KHDRBS2: variants seen among roughly 807,000 people sequenced by gnomAD.
KHDRBS2 encodes the protein KH domain-containing, RNA-binding, signal transduction-associated protein 2.
A neutral mutation model predicts 44.3 loss-of-function variants in KHDRBS2; 26 were observed. The observed-to-expected ratio is 0.59, with a 90% CI of 0.43 to 0.81. The LOEUF (loss-of-function observed/expected upper bound fraction) is 0.81. Among genes scored for constraint, KHDRBS2 ranks in the 40% least tolerant of loss-of-function variants. The pLI, the probability that KHDRBS2 is intolerant of heterozygous loss-of-function variation, is 0.00. For synonymous variants in KHDRBS2, 194 were observed against 151.1 expected (o/e 1.28, Z -2.08); for missense variants, 476 against 433.1 (o/e 1.10, Z -0.88).
rs1327534081 is a variant in KHDRBS2 at position 61,680,095 on chromosome 6, AT to A, written c.*867del. ...ATTATTTAACAACCATAAGTTATTA[AT>A]ACATTTTTAAGTATTACACAAATAT... is the stretch of plus-strand genomic sequence containing the variant. On this transcript the variant is annotated 3_prime_UTR_variant, in exon 9 of 9. Transcript: ENST00000281156. 3 of 152,404 alleles carry A rather than the reference AT, an allele frequency of 2.0e-5. No individual in the cohort carries two copies. The highest frequency in any genetic ancestry group is 7.2e-5 in the African/African-American group (3 of 41,444). 9.4% of individuals were successfully genotyped at this position (152,404 alleles called of 1,614,324 possible).
At chr6:61,658,282 T>G in the KHDRBS2 span, among the ~76,000 whole-genome samples, 1 of 151,860 alleles carries the variant, frequency 6.6e-6, no homozygotes, top group African/African-American at 2.4e-5. Flanking sequence ...ATTGAACATT[T>G]CCAGGTATTT....
intron 2 of KHDRBS2, among the ~76,000 whole-genome samples, chr6:62,100,287 A>C (rs1189890465): frequency 6.6e-6 from 1 of 152,254 alleles, no homozygotes; most frequent in Non-Finnish European, 1.5e-5. Flanking sequence ...TGCTTTTTAT[A>C]AATTAGCAAA....
At chr6:62,091,951 T>G (rs754278615) in intron 2 of KHDRBS2, among the ~76,000 whole-genome samples, 57 of 152,192 alleles carry the variant, frequency 3.7e-4, no homozygotes, top group Non-Finnish European at 7.3e-5. Context: ...TTAAAGAGAC[T>G]TCAGTAAATC....
At chr6:62,209,082 A>G (rs1828560891) in intron 1 of KHDRBS2, among the ~76,000 whole-genome samples, 1 of 152,242 alleles carries the variant, frequency 6.6e-6, no homozygotes, top group African/African-American at 2.4e-5. Flanking sequence ...AGATGGGGAA[A>G]CATACTTCTT....
chr6:62,074,253 T>C (rs934186375), intron 2 of KHDRBS2, among the ~76,000 whole-genome samples: 2 of 151,820 alleles, frequency 1.3e-5, no homozygotes, highest in East Asian at 1.9e-4. Context: ...ACCATAGAAA[T>C]TGTGAGATAA....
At chr6:62,226,189 G>A (rs1001580109) in intron 1 of KHDRBS2, among the ~76,000 whole-genome samples, 1 of 151,974 alleles carries the variant, frequency 6.6e-6, no homozygotes, top group Non-Finnish European at 1.5e-5. Flanking sequence ...CCACAGCCTC[G>A]ACAGCATGTA....
chr6:62,164,729 G>A (rs554166117), intron 2 of KHDRBS2, among the ~76,000 whole-genome samples: 1 of 151,948 alleles, frequency 6.6e-6, no homozygotes, highest in South Asian at 2.1e-4. Context: ...CTGTGCCTTT[G>A]TGATATTAAT....
chr6:62,006,283 A>C (rs1562627104), intron 3 of KHDRBS2, among the ~76,000 whole-genome samples: 1 of 152,186 alleles, frequency 6.6e-6, no homozygotes, highest in East Asian at 1.9e-4. Context: ...AATAAATTTG[A>C]AATTCTGAGA....
chr6:61,661,669 A>C, the KHDRBS2 span, among the ~76,000 whole-genome samples: 3 of 151,920 alleles, frequency 2.0e-5, no homozygotes, highest in African/African-American at 7.2e-5. Flanking sequence ...AGAATAAAAT[A>C]CCTACGAATC....
intron 6 of KHDRBS2, among the ~76,000 whole-genome samples, chr6:61,836,866 G>C (rs184583205): frequency 4.6e-5 from 7 of 152,130 alleles, no homozygotes; most frequent in Admixed American, 2.6e-4. Context: ...CAATTAGTTG[G>C]TGTTGACAAG....
intron 4 of KHDRBS2, among the ~76,000 whole-genome samples, chr6:61,970,933 G>A (rs1051494214): frequency 2.6e-5 from 4 of 152,078 alleles, no homozygotes; most frequent in African/African-American, 9.7e-5. Context: ...TATTAGATTT[G>A]AAATGGCAAT....
At chr6:61,697,519 C>T (rs1768042514) in intron 7 of KHDRBS2, among the ~76,000 whole-genome samples, 2 of 151,970 alleles carry the variant, frequency 1.3e-5, no homozygotes, top group South Asian at 2.1e-4. Context: ...ACAAGTATAA[C>T]ACTTCAAAAT....
intron 2 of KHDRBS2, among the ~76,000 whole-genome samples, chr6:62,134,619 C>T (rs1415651787): frequency 6.6e-6 from 1 of 152,094 alleles, no homozygotes; most frequent in African/African-American, 2.4e-5. Context: ...CTGGAAAAGC[C>T]ACAGACACTC....
intron 2 of KHDRBS2, among the ~76,000 whole-genome samples, chr6:62,116,986 T>C (rs1031331806): frequency 1.8e-4 from 28 of 152,196 alleles, no homozygotes; most frequent in African/African-American, 6.8e-4. Context: ...TCTTTATCCA[T>C]TCATCTATTA....
chr6:61,916,023 G>A (rs1806929419), intron 4 of KHDRBS2, among the ~76,000 whole-genome samples: 2 of 152,044 alleles, frequency 1.3e-5, no homozygotes, highest in Non-Finnish European at 2.9e-5. Flanking sequence ...TGCATACCCC[G>A]ATTCTTATTT....
intron 6 of KHDRBS2, among the ~76,000 whole-genome samples, chr6:61,793,866 C>T (rs1201038631): frequency 6.6e-6 from 1 of 152,094 alleles, no homozygotes; most frequent in East Asian, 1.9e-4. Context: ...TAATCGTCAA[C>T]AAATGTAGTG....
At chr6:61,982,176 T>C (rs1270339408) in intron 3 of KHDRBS2, among the ~76,000 whole-genome samples, 1 of 151,696 alleles carries the variant, frequency 6.6e-6, no homozygotes, top group Non-Finnish European at 1.5e-5. Flanking sequence ...TTATGTAATT[T>C]ACCCTAGGTA....
At chr6:62,097,731 CTAAG>C (rs1314032808) in intron 2 of KHDRBS2, among the ~76,000 whole-genome samples, 2 of 152,058 alleles carry the variant, frequency 1.3e-5, no homozygotes, top group African/African-American at 2.4e-5. Flanking sequence ...GTAATTACTG[CTAAG>C]TAAGGCCTTA....
chr6:62,236,840 T>G (rs1833786020), intron 1 of KHDRBS2, among the ~76,000 whole-genome samples: 1 of 152,188 alleles, frequency 6.6e-6, no homozygotes, highest in South Asian at 2.1e-4. Flanking sequence ...CCAGAAGATT[T>G]ATAGAAATGT....
Sources: allele counts gnomAD v4.1 joint callset (sites outside exome capture counted in the v4.1 genomes callset), GRCh38; gene constraint gnomAD v4.1.1; transcripts MANE v1.5; gene names NCBI Gene and HGNC (gene_info 2026-07-23, HGNC 2026-07-21).